CWC27: variants seen among roughly 807,000 people sequenced by gnomAD.
The protein encoded by CWC27 is spliceosome-associated protein CWC27 homolog.
Under a neutral mutation model 63.6 loss-of-function variants are expected in CWC27, and 47 were observed. That is an observed-to-expected ratio of 0.74 (90% confidence interval 0.58 to 0.94). The LOEUF (loss-of-function observed/expected upper bound fraction) is 0.94, where lower values mean the gene tolerates loss of function less well. Ranked by LOEUF, CWC27 falls within the 40% of genes least tolerant of loss-of-function variation. The pLI, the probability that CWC27 is intolerant of heterozygous loss-of-function variation, is 0.00. For missense variants in CWC27, 495 were observed against 554.3 expected, an observed-to-expected ratio of 0.89 and a Z score of 1.07; for synonymous variants, 175 against 179.8, an observed-to-expected ratio of 0.97 and a Z score of 0.22.
At chr5:64,772,483 C>T (rs530249279) in intron 1 of CWC27, among the ~76,000 whole-genome samples, 4 of 151,074 alleles carry the variant, frequency 2.6e-5, no homozygotes, top group East Asian at 3.9e-4. Context: ...AAAAAGTAGC[C>T]GGGCATGATG....
At chr5:65,010,724 G>A (rs1026415143) in intron 13 of CWC27, among the ~76,000 whole-genome samples, 15 of 152,184 alleles carry the variant, frequency 9.9e-5, no homozygotes, top group African/African-American at 3.4e-4. Flanking sequence ...CAATCTTCAA[G>A]CAGTTTAACT....
At chr5:64,929,099 A>G (rs1459518557) in intron 11 of CWC27, among the ~76,000 whole-genome samples, 1 of 152,148 alleles carries the variant, frequency 6.6e-6, no homozygotes, top group Admixed American at 6.5e-5. Flanking sequence ...AAAGGAGATA[A>G]AAATGTGGAA....
At chr5:64,897,334 C>A (rs1353986227) in intron 11 of CWC27, among the ~76,000 whole-genome samples, 2 of 152,096 alleles carry the variant, frequency 1.3e-5, no homozygotes, top group African/African-American at 4.8e-5. Context: ...TGGAACCTAC[C>A]CAAATGTCCG....
At chr5:64,907,983 G>A (rs1747694016) in intron 11 of CWC27, among the ~76,000 whole-genome samples, 1 of 152,166 alleles carries the variant, frequency 6.6e-6, no homozygotes, top group Non-Finnish European at 1.5e-5. Flanking sequence ...ATGTTAAGGT[G>A]TCGATTTTAG....
rs541490170 is a variant in CWC27, at chr5:64,990,254, T to G, written c.1256+13016T>G. Among the ~76,000 whole-genome samples, 29 of 42,248 alleles carry G rather than the reference T, an allele frequency of 6.9e-4. 6 individuals are homozygous for G. The highest frequency in any genetic ancestry group is 2.3e-3 in the South Asian group (3 of 1,310). The allele number at this position is 42,248 out of a possible 152,430, so 27.7% of individuals were successfully genotyped here. ...AGTTTTTATTTGTTTTTTTTTTGTT[T>G]TTTTTTTTTTTGTTTTTTTTTTTTT... On this transcript the variant is annotated intron_variant, in intron 13 of 13. Transcript: ENST00000381070.
chr5:64,980,917 C>T lies in CWC27; in HGVS notation c.1256+3679C>T, dbSNP rs994529100. ...GACCAGCCTGGCCAACATGGCGAAA[C>T]CCCATCTCTACTAAAAGTACAAAAA... On this transcript the variant is annotated intron_variant, in intron 13 of 13. Coordinates refer to ENST00000381070, the MANE Select transcript of CWC27 (RefSeq NM_005869.4). 1.6e-4 allele frequency among the ~76,000 whole-genome samples: 24 copies of T among 152,254 alleles called. No individual in the cohort carries two copies. In the East Asian group the frequency reaches 4.1e-3, roughly 26 times the overall value.
At chr5:64,824,809 T>C (rs1158256631) in intron 10 of CWC27, among the ~76,000 whole-genome samples, 1 of 141,554 alleles carries the variant, frequency 7.1e-6, no homozygotes, top group Non-Finnish European at 1.5e-5. Context: ...CTCGGCTCAC[T>C]GCAACCTCCG....
chr5:64,942,008 A>G (rs1748492509), intron 11 of CWC27, among the ~76,000 whole-genome samples: 1 of 152,166 alleles, frequency 6.6e-6, no homozygotes, highest in South Asian at 2.1e-4. Flanking sequence ...ACTATTTTGC[A>G]GATTATCAAA....
chr5:64,906,011 TC>T (rs34776195), intron 11 of CWC27, among the ~76,000 whole-genome samples: 5 of 147,220 alleles, frequency 3.4e-5, no homozygotes, highest in African/African-American at 8.2e-5. Flanking sequence ...CATGAACTCA[TC>T]CTTTTTTTAT....
chr5:64,910,975 C>G (rs959340456), intron 11 of CWC27, among the ~76,000 whole-genome samples: 5 of 152,198 alleles, frequency 3.3e-5, no homozygotes, highest in Non-Finnish European at 5.9e-5. Context: ...TCCAACCAGT[C>G]CCAGTGAGAT....
chr5:64,837,810 A>C (rs1034962926), intron 10 of CWC27, among the ~76,000 whole-genome samples: 1 of 152,152 alleles, frequency 6.6e-6, no homozygotes, highest in Non-Finnish European at 1.5e-5. Flanking sequence ...GTCGCCGATC[A>C]TAGAAACCTC....
At chr5:65,006,960 CAGAAAGAAAGA>C (rs1212798599) in intron 13 of CWC27, among the ~76,000 whole-genome samples, 4 of 121,116 alleles carry the variant, frequency 3.3e-5, no homozygotes, top group African/African-American at 1.3e-4. Context: ...TTTAAAAAGA[CAGAAAGAAAGA>C]AAGAAAGAAA....
chr5:64,777,279 T>G (rs1266327806), intron 2 of CWC27, among the ~76,000 whole-genome samples: 1 of 152,052 alleles, frequency 6.6e-6, no homozygotes, highest in African/African-American at 2.4e-5. Context: ...TTACTAATTC[T>G]TTAGAGTGAC....
At chr5:64,834,751 A>G (rs927382677) in intron 10 of CWC27, among the ~76,000 whole-genome samples, 3 of 151,754 alleles carry the variant, frequency 2.0e-5, no homozygotes, top group Admixed American at 2.0e-4. Context: ...TTCCCATTCA[A>G]ATGCTTATAC....
chr5:64,972,586 CG>C (rs1415477069), intron 12 of CWC27: 1 of 401,812 alleles, frequency 2.5e-6, no homozygotes, highest in Non-Finnish European at 4.8e-6. Flanking sequence ...ATAAATAAAA[CG>C]GGCAAAGTAA....
At chr5:64,885,358 T>C in intron 10 of CWC27, 85 bp from the exon 11 acceptor site, 3 of 808,144 alleles carry the variant, frequency 3.7e-6, no homozygotes, top group Non-Finnish European at 5.8e-6. Flanking sequence ...TTTTCTTAGA[T>C]GTAGTATACC....
At chr5:65,000,832 T>A (rs1749719056) in intron 13 of CWC27, among the ~76,000 whole-genome samples, 1 of 152,086 alleles carries the variant, frequency 6.6e-6, no homozygotes, top group African/African-American at 2.4e-5. Context: ...TCCATACAAA[T>A]TGTAGGATTT....
chr5:64,880,170 A>G (rs1179283233), intron 10 of CWC27, among the ~76,000 whole-genome samples: 2 of 151,814 alleles, frequency 1.3e-5, no homozygotes, highest in Non-Finnish European at 2.9e-5. Context: ...TGCTTCAATC[A>G]TTTATTTGTC....
At chr5:64,944,785 T>C (rs1029552143) in intron 11 of CWC27, among the ~76,000 whole-genome samples, 51 of 152,316 alleles carry the variant, frequency 3.3e-4, no homozygotes, top group African/African-American at 1.2e-3. Flanking sequence ...TCTCTTTGTT[T>C]CTACAAGTGA....
Sources: gnomAD v4.1 joint callset for allele counts (sites outside exome capture counted in the v4.1 genomes callset) on GRCh38, gnomAD v4.1.1 for gene constraint, MANE v1.5 for transcripts, NCBI Gene and HGNC (gene_info 2026-07-23, HGNC 2026-07-21) for gene names.